The following KCNH8 variants were observed in gnomAD, a reference collection of about 807,000 sequenced individuals.
KCNH8 encodes the protein potassium voltage-gated channel subfamily H member 8.
Under a neutral mutation model 103.6 loss-of-function variants are expected in KCNH8, and 70 were observed. The observed-to-expected ratio is 0.68, with a 90% confidence interval of 0.56 to 0.82. The LOEUF is 0.82. Ranked by LOEUF, KCNH8 falls within the 40% of genes least tolerant of loss-of-function variation. The pLI is 0.00. For synonymous variants in KCNH8, 498 were observed against 489.4 expected (o/e 1.02, Z -0.23); for missense variants, 1,217 against 1,329.9 (o/e 0.92, Z 1.32).
chr3:19,435,932 G>A (rs2067192678), intron 7 of KCNH8, among the ~76,000 whole-genome samples: 1 of 152,086 alleles, frequency 6.6e-6, no homozygotes, highest in Non-Finnish European at 1.5e-5. Flanking sequence ...CATATAAATA[G>A]TAAACCAAAG....
chr3:19,245,874 TATC>T (rs1249563010), intron 1 of KCNH8, among the ~76,000 whole-genome samples: 2 of 152,218 alleles, frequency 1.3e-5, no homozygotes, highest in African/African-American at 4.8e-5. Flanking sequence ...TATAGAGTAA[TATC>T]ATTAGCAAAG....
intron 3 of KCNH8, among the ~76,000 whole-genome samples, chr3:19,320,457 A>T (rs1441024324): frequency 2.6e-5 from 4 of 152,004 alleles, no homozygotes; most frequent in Non-Finnish European, 5.9e-5. Context: ...GTGGTGTATC[A>T]TATCTATTTA....
intron 11 of KCNH8, among the ~76,000 whole-genome samples, chr3:19,468,615 T>A (rs1028478530): frequency 3.9e-5 from 6 of 152,218 alleles, no homozygotes; most frequent in Admixed American, 1.3e-4. Context: ...TGAGTAATAT[T>A]TCTCCAGGTG....
intron 3 of KCNH8, among the ~76,000 whole-genome samples, chr3:19,317,653 A>G (rs2065290995): frequency 6.6e-6 from 1 of 151,984 alleles, no homozygotes. Flanking sequence ...TAAGTCAATC[A>G]TAATCATAAT....
intron 3 of KCNH8, among the ~76,000 whole-genome samples, chr3:19,331,421 A>G (rs1020483115): frequency 7.9e-5 from 12 of 152,010 alleles, no homozygotes; most frequent in Non-Finnish European, 1.2e-4. Flanking sequence ...CCTCCAGAGT[A>G]GCTGGGCCTA....
At chr3:19,210,029 C>T (rs572570201) in intron 1 of KCNH8, among the ~76,000 whole-genome samples, 1 of 152,178 alleles carries the variant, frequency 6.6e-6, no homozygotes, top group South Asian at 2.1e-4. Flanking sequence ...TGACCTTAGA[C>T]AATTTATATA....
intron 1 of KCNH8, among the ~76,000 whole-genome samples, chr3:19,245,560 A>G (rs890444296): frequency 6.6e-6 from 1 of 152,110 alleles, no homozygotes; most frequent in African/African-American, 2.4e-5. Flanking sequence ...GTATGGACAG[A>G]TACTGATTTT....
chr3:19,481,313 G>A (rs1025213746), intron 11 of KCNH8, among the ~76,000 whole-genome samples: 2 of 151,790 alleles, frequency 1.3e-5, no homozygotes, highest in Non-Finnish European at 2.9e-5. Flanking sequence ...CTCCCCAAAG[G>A]CTTCATTGCA....
At chr3:19,215,119 C>G (rs1216969610) in intron 1 of KCNH8, among the ~76,000 whole-genome samples, 3 of 152,178 alleles carry the variant, frequency 2.0e-5, no homozygotes, top group Admixed American at 6.5e-5. Flanking sequence ...TTCCCAGTTC[C>G]TTGAAGTGAG....
intron 7 of KCNH8, among the ~76,000 whole-genome samples, chr3:19,404,775 T>C (rs916728982): frequency 3.3e-5 from 5 of 151,932 alleles, no homozygotes; most frequent in African/African-American, 1.2e-4. Flanking sequence ...AATTAATTAA[T>C]TTTCTAAACA....
chr3:19,470,879 G>A (rs959592589), intron 11 of KCNH8, among the ~76,000 whole-genome samples: 5 of 152,030 alleles, frequency 3.3e-5, no homozygotes, highest in African/African-American at 9.7e-5. Flanking sequence ...TATTAAATAG[G>A]GAGCACATAA....
At chr3:19,315,708 C>G (rs933860157) in intron 3 of KCNH8, among the ~76,000 whole-genome samples, 2 of 151,910 alleles carry the variant, frequency 1.3e-5, no homozygotes, top group African/African-American at 4.8e-5. Flanking sequence ...AATACATCAC[C>G]TGACCTAAAT....
chr3:19,458,924 G>A (rs1020698593), intron 11 of KCNH8, among the ~76,000 whole-genome samples: 1 of 151,938 alleles, frequency 6.6e-6, no homozygotes, highest in Non-Finnish European at 1.5e-5. Context: ...GCAAATGACA[G>A]GATTATCTTC....
intron 11 of KCNH8, among the ~76,000 whole-genome samples, chr3:19,492,465 T>C (rs139894687): frequency 6.6e-6 from 1 of 152,264 alleles, no homozygotes; most frequent in East Asian, 1.9e-4. Flanking sequence ...GTCGATCTTA[T>C]GGAAGGTGAG....
intron 1 of KCNH8, among the ~76,000 whole-genome samples, chr3:19,164,879 C>A (rs1370312418): frequency 1.3e-5 from 2 of 152,136 alleles, no homozygotes; most frequent in African/African-American, 4.8e-5. Flanking sequence ...GAATTGAGAG[C>A]TCTGCTGTAA....
chr3:19,256,593 G>A (rs1451039906), intron 2 of KCNH8, among the ~76,000 whole-genome samples: 3 of 152,046 alleles, frequency 2.0e-5, no homozygotes, highest in Middle Eastern at 3.2e-3. Context: ...GGCACCTTGT[G>A]TAGGTCACTC....
intron 1 of KCNH8, among the ~76,000 whole-genome samples, chr3:19,165,586 C>G (rs564534741): frequency 2.2e-4 from 34 of 152,254 alleles, no homozygotes; most frequent in African/African-American, 7.9e-4. Context: ...GTACTTTATT[C>G]TAACAAGAGA....
intron 2 of KCNH8, among the ~76,000 whole-genome samples, chr3:19,264,898 A>G (rs1393227806): frequency 1.3e-5 from 2 of 152,062 alleles, no homozygotes; most frequent in Non-Finnish European, 2.9e-5. Context: ...AGTCCTGGCA[A>G]TTCTGACTCC....
At chr3:19,223,669 C>T (rs1201362496) in intron 1 of KCNH8, among the ~76,000 whole-genome samples, 1 of 152,110 alleles carries the variant, frequency 6.6e-6, no homozygotes, top group Non-Finnish European at 1.5e-5. Context: ...CTAAATCACA[C>T]TGCTAGAGTG....
Sources: allele counts gnomAD v4.1 joint callset (sites outside exome capture counted in the v4.1 genomes callset), GRCh38; gene constraint gnomAD v4.1.1; transcripts MANE v1.5; gene names NCBI Gene and HGNC (gene_info 2026-07-23, HGNC 2026-07-21).